Variants in SMURF1 observed in about 807,000 individuals in gnomAD.
The protein encoded by SMURF1 is SMAD specific E3 ubiquitin protein ligase 1.
A neutral mutation model predicts 98.0 loss-of-function variants in SMURF1; 44 were observed. The ratio of observed to expected loss-of-function variants is 0.45; its 90% confidence interval spans 0.35 to 0.58. The LOEUF is 0.58. Among genes scored for constraint, SMURF1 ranks in the 20% least tolerant of loss-of-function variants. The probability of loss-of-function intolerance (pLI) is 0.00; values close to 1 mark genes in which losing one functional copy is unlikely to be tolerated. For synonymous variants in SMURF1, 396 were observed against 374.9 expected, an observed-to-expected ratio of 1.06 and a Z score of -0.65; for missense variants, 687 against 938.4, an observed-to-expected ratio of 0.73 and a Z score of 3.50.
chr7:99,037,459 G>A (rs940907349), intron 14 of SMURF1, among the ~76,000 whole-genome samples: 2 of 152,084 alleles, frequency 1.3e-5, no homozygotes, highest in African/African-American at 4.8e-5. Context: ...GGCTGGTCTC[G>A]AGCTCCTGAC....
At chr7:99,042,019 A>C in intron 12 of SMURF1, 99 bp downstream of exon 12, 2 of 945,266 alleles carry the variant, frequency 2.1e-6, no homozygotes, top group South Asian at 2.9e-5. Context: ...TCTTTGATTA[A>C]GTCTACAACA....
intron 3 of SMURF1, among the ~76,000 whole-genome samples, chr7:99,057,786 TG>T (rs1455551325): frequency 6.6e-6 from 1 of 151,990 alleles, no homozygotes; most frequent in Non-Finnish European, 1.5e-5. Flanking sequence ...TTAGTAGAGA[TG>T]GGGTTTCGCC....
chr7:99,100,746 T>C (rs1344991369), intron 1 of SMURF1, among the ~76,000 whole-genome samples: 1 of 152,150 alleles, frequency 6.6e-6, no homozygotes, highest in Non-Finnish European at 1.5e-5. Context: ...AAACATTCTA[T>C]CAACAGTCAA....
chr7:99,126,669 A>T (rs181608767), intron 1 of SMURF1, among the ~76,000 whole-genome samples: 78 of 152,344 alleles, frequency 5.1e-4, no homozygotes, highest in African/African-American at 1.8e-3. Flanking sequence ...AAATAAATTT[A>T]AAAAAATTAA....
At chr7:99,131,284 A>G (rs1584214442) in intron 1 of SMURF1, among the ~76,000 whole-genome samples, 1 of 152,228 alleles carries the variant, frequency 6.6e-6, no homozygotes, top group Non-Finnish European at 1.5e-5. Flanking sequence ...AGAATTAAAA[A>G]TGTGGAAATT....
intron 11 of SMURF1, 32 bp from the exon 12 acceptor site, chr7:99,042,264 C>CG: frequency 6.8e-7 from 1 of 1,478,920 alleles, no homozygotes. Context: ...GCATTTGAGA[C>CG]GCGCTAAAAT....
intron 1 of SMURF1, among the ~76,000 whole-genome samples, chr7:99,067,853 C>T (rs1218983787): frequency 6.6e-6 from 1 of 152,086 alleles, no homozygotes; most frequent in East Asian, 1.9e-4. Context: ...AGTCGGCAGA[C>T]TGAGCCAGGA....
intron 8 of SMURF1, chr7:99,050,836 C>T: frequency 1.9e-6 from 2 of 1,056,098 alleles, no homozygotes; most frequent in Non-Finnish European, 2.7e-6. Flanking sequence ...GGTAGTAATG[C>T]TATTCTAAAA....
chr7:99,034,698 T>TA (rs1251424123), intron 16 of SMURF1, among the ~76,000 whole-genome samples: 1 of 152,098 alleles, frequency 6.6e-6, no homozygotes, highest in Non-Finnish European at 1.5e-5. Context: ...GGCTCCCAGA[T>TA]ACGAGCGGGG....
chr7:99,031,210 C>A (rs1351396514), intron 17 of SMURF1: 2 of 152,544 alleles, frequency 1.3e-5, no homozygotes, highest in African/African-American at 4.8e-5. Context: ...GTCTGTTCCT[C>A]TGGGACTTGA....
intron 1 of SMURF1, among the ~76,000 whole-genome samples, chr7:99,127,214 C>G (rs1482860295): frequency 6.6e-6 from 1 of 152,230 alleles, no homozygotes; most frequent in Non-Finnish European, 1.5e-5. Context: ...AGTGAATGTT[C>G]CTGCCACGCA....
chr7:99,076,810 AGTGTGCAT>A (rs1159424077), intron 1 of SMURF1, among the ~76,000 whole-genome samples: 1 of 151,656 alleles, frequency 6.6e-6, no homozygotes, highest in Admixed American at 6.6e-5. Context: ...CATGTGTGCA[AGTGTGCAT>A]GTGTGCACGT....
At chr7:99,125,539 G>T (rs565621170) in intron 1 of SMURF1, among the ~76,000 whole-genome samples, 1 of 152,284 alleles carries the variant, frequency 6.6e-6, no homozygotes, top group South Asian at 2.1e-4. Flanking sequence ...TGTGAATGGG[G>T]CCTAATCTAT....
intron 1 of SMURF1, among the ~76,000 whole-genome samples, chr7:99,123,276 G>A (rs542627110): frequency 2.6e-5 from 4 of 152,262 alleles, no homozygotes; most frequent in African/African-American, 7.2e-5. Flanking sequence ...GGTGGCTTAC[G>A]CCTGTAATTC....
chr7:99,117,980 A>G (rs1422892043), intron 1 of SMURF1, among the ~76,000 whole-genome samples: 1 of 152,162 alleles, frequency 6.6e-6, no homozygotes, highest in Non-Finnish European at 1.5e-5. Flanking sequence ...TAAATAGTGG[A>G]CATTTCTCTA....
chr7:99,073,466 TAAAAA>T (rs11429233), intron 1 of SMURF1, among the ~76,000 whole-genome samples: 1 of 141,680 alleles, frequency 7.1e-6, no homozygotes, highest in African/African-American at 2.7e-5. Context: ...ATTTAAAACT[TAAAAA>T]AAAAAAAAAT....
intron 16 of SMURF1, among the ~76,000 whole-genome samples, chr7:99,034,015 G>A (rs916893435): frequency 6.6e-6 from 1 of 152,240 alleles, no homozygotes; most frequent in African/African-American, 2.4e-5. Context: ...GACTCCGGGA[G>A]CAATGAGGAC....
intron 1 of SMURF1, among the ~76,000 whole-genome samples, chr7:99,078,272 A>T (rs1365665830): frequency 6.7e-6 from 1 of 150,336 alleles, no homozygotes; most frequent in Non-Finnish European, 1.5e-5. Flanking sequence ...AGTGCACTCC[A>T]GCCTGGGCGA....
At chr7:99,091,541 C>A (rs933399780) in intron 1 of SMURF1, among the ~76,000 whole-genome samples, 2 of 152,166 alleles carry the variant, frequency 1.3e-5, no homozygotes, top group African/African-American at 4.8e-5. Context: ...GTGTGGACAG[C>A]TAGAAAGATG....
Sources: gnomAD v4.1 joint callset for allele counts (sites outside exome capture counted in the v4.1 genomes callset) on GRCh38, gnomAD v4.1.1 for gene constraint, MANE v1.5 for transcripts, NCBI Gene and HGNC (gene_info 2026-07-23, HGNC 2026-07-21) for gene names.